The following SLC24A4 variants were observed in gnomAD, a reference collection of about 807,000 sequenced individuals.
The protein encoded by SLC24A4 is sodium/potassium/calcium exchanger 4.
Under a neutral mutation model 79.0 loss-of-function variants are expected in SLC24A4, and 53 were observed. That is an observed-to-expected ratio of 0.67 (90% CI 0.54 to 0.84). SLC24A4 has a LOEUF of 0.84. Among genes scored for constraint, SLC24A4 ranks in the 40% least tolerant of loss-of-function variants. SLC24A4 has a pLI of 0.00. For missense variants in SLC24A4, 731 were observed against 822.0 expected, an observed-to-expected ratio of 0.89 and a Z score of 1.35; for synonymous variants, 323 against 323.8, an observed-to-expected ratio of 1.00 and a Z score of 0.03.
chr14:92,450,641 C>CGGTCCCCACACACAGCCT, intron 10 of SLC24A4: 1 of 152,406 alleles, frequency 6.6e-6, no homozygotes, highest in East Asian at 1.9e-4. Context: ...GGCCCCGAGA[C>CGGTCCCCACACACAGCCT]GGTCCCCACA....
chr14:92,453,098 GGC>G (rs1384371250), intron 10 of SLC24A4: 2 of 152,200 alleles, frequency 1.3e-5, no homozygotes, highest in East Asian at 1.9e-4. Flanking sequence ...CAAGGATACC[GGC>G]CCAGTGCAGG....
At chr14:92,357,010 G>A (rs1043708289) in intron 2 of SLC24A4, among the ~76,000 whole-genome samples, 2 of 152,222 alleles carry the variant, frequency 1.3e-5, no homozygotes, top group Non-Finnish European at 1.5e-5. Context: ...GAGTGGAGTA[G>A]CTTCCTCTGT....
chr14:92,434,607 A>G (rs1892065014), intron 3 of SLC24A4, among the ~76,000 whole-genome samples: 1 of 152,204 alleles, frequency 6.6e-6, no homozygotes, highest in South Asian at 2.1e-4. Context: ...TCACGTGGGC[A>G]TGAGCATAAA....
chr14:92,469,692 A>G (rs1894328831), intron 12 of SLC24A4, among the ~76,000 whole-genome samples: 1 of 152,224 alleles, frequency 6.6e-6, no homozygotes, highest in Non-Finnish European at 1.5e-5. Context: ...GAATGGATAA[A>G]CGAAATGTGG....
chr14:92,343,243 C>T (rs541400809), intron 2 of SLC24A4, among the ~76,000 whole-genome samples: 1 of 152,338 alleles, frequency 6.6e-6, no homozygotes, highest in South Asian at 2.1e-4. Flanking sequence ...TGCTGCAGAT[C>T]CTCTGTTCAT....
intron 2 of SLC24A4, among the ~76,000 whole-genome samples, chr14:92,422,059 T>G (rs1183151033): frequency 6.6e-6 from 1 of 152,208 alleles, no homozygotes; most frequent in Non-Finnish European, 1.5e-5. Flanking sequence ...ATGATAAAAT[T>G]TTTTCCACAT....
At chr14:92,335,938 C>T (rs1004841821) in intron 2 of SLC24A4, among the ~76,000 whole-genome samples, 5 of 152,210 alleles carry the variant, frequency 3.3e-5, no homozygotes, top group Non-Finnish European at 7.3e-5. Context: ...GAGCAGCAAA[C>T]ACCTATGTGG....
chr14:92,448,039 A>G (rs550396958), intron 9 of SLC24A4, among the ~76,000 whole-genome samples: 1 of 152,278 alleles, frequency 6.6e-6, no homozygotes, highest in South Asian at 2.1e-4. Flanking sequence ...CCTGGAAAAC[A>G]TTATGCTAAG....
chr14:92,473,520 CTA>C (rs1894548021), intron 12 of SLC24A4, among the ~76,000 whole-genome samples: 1 of 152,198 alleles, frequency 6.6e-6, no homozygotes, highest in African/African-American at 2.4e-5. Context: ...CTTCGTAACT[CTA>C]TTGCTTAGGA....
At chr14:92,471,325 T>G (rs1405377078) in intron 12 of SLC24A4, among the ~76,000 whole-genome samples, 2 of 152,184 alleles carry the variant, frequency 1.3e-5, no homozygotes, top group Admixed American at 6.5e-5. Flanking sequence ...CTCCTTCTCC[T>G]TATCCAGAAG....
At chr14:92,455,618 A>G (rs1199941354) in intron 11 of SLC24A4, among the ~76,000 whole-genome samples, 1 of 152,208 alleles carries the variant, frequency 6.6e-6, no homozygotes, top group Non-Finnish European at 1.5e-5. Context: ...GAGTAGGGGT[A>G]TGTAGACTAG....
At position 92,492,238 on chromosome 14, in the gene SLC24A4, A is replaced by G. The variant is rs966414449; in HGVS notation, c.1714A>G (p.Thr572Ala). The G allele has an allele frequency of 1.2e-6, 2 of 1,613,976 alleles. No homozygotes were observed. The highest frequency in any genetic ancestry group is 1.7e-6 in the Non-Finnish European group (2 of 1,179,912). ...CCTGTTGCTGGGCTCTGTCGCTCTCACCGTGAGTCTTTACAATTCCAAAAC... is the reference window on the plus strand; with the variant it reads ...CCTGTTGCTGGGCTCTGTCGCTCTCGCCGTGAGTCTTTACAATTCCAAAAC... ...VVLLLGSVALTVLGIHLNKWR... is the reference protein window; with the variant it reads ...VVLLLGSVALAVLGIHLNKWR... The change falls in exon 16 of 17, where the codon ACC becomes GCC. Residue 572 changes from threonine (T) to alanine (A), a missense_variant and splice_region_variant. Transcript: ENST00000532405.
chr14:92,474,806 TATATAC>T lies in SLC24A4; in HGVS notation c.1256-7868_1256-7863del, dbSNP rs1355879893. 3.4e-4 allele frequency among the ~76,000 whole-genome samples: 27 copies of T among 79,696 alleles called. 2 individuals are homozygous for T. Among genetic ancestry groups the T allele is most frequent in the Non-Finnish European group, 6.7e-4 (26 of 38,964 alleles). 52.3% of individuals were successfully genotyped at this position (79,696 alleles called of 152,430 possible). ...ATATGTGTGTGTGTATATATATACA[TATATAC>T]ATATATATACATATATATGTGTGTG... On this transcript the variant is annotated intron_variant, in intron 12 of 16. Transcript: ENST00000532405.
At chr14:92,327,948 A>G (rs1274167725) in intron 2 of SLC24A4, among the ~76,000 whole-genome samples, 1 of 152,216 alleles carries the variant, frequency 6.6e-6, no homozygotes, top group African/African-American at 2.4e-5. Flanking sequence ...CTGCATAGAT[A>G]TGGGTCGAAT....
chr14:92,465,336 C>G (rs1399188908), intron 12 of SLC24A4, among the ~76,000 whole-genome samples: 1 of 152,210 alleles, frequency 6.6e-6, no homozygotes, highest in Non-Finnish European at 1.5e-5. Flanking sequence ...GACAGGACAA[C>G]TTTGTCAGAA....
chr14:92,442,924 G>A, intron 6 of SLC24A4, 108 bp downstream of exon 6: 1 of 896,242 alleles, frequency 1.1e-6, no homozygotes, highest in Non-Finnish European at 1.8e-6. Context: ...CAGGACAGCT[G>A]AGCTGGATTC....
At chr14:92,424,895 C>CAAAAACAAAAAT (rs1358213491) in intron 2 of SLC24A4, among the ~76,000 whole-genome samples, 1 of 151,744 alleles carries the variant, frequency 6.6e-6, no homozygotes, top group Non-Finnish European at 1.5e-5. Context: ...AAAACAAAAA[C>CAAAAACAAAAAT]AAAACCCAGC....
intron 2 of SLC24A4, among the ~76,000 whole-genome samples, chr14:92,400,437 C>CA (rs35343108): frequency 0.11 from 8,743 of 79,066 alleles, 505 homozygotes; most frequent in African/African-American, 0.14. Context: ...GACTCCATCT[C>CA]AAAAAAAAAA....
At chr14:92,479,817 C>T (rs1361891262) in intron 12 of SLC24A4, among the ~76,000 whole-genome samples, 1 of 152,162 alleles carries the variant, frequency 6.6e-6, no homozygotes, top group Non-Finnish European at 1.5e-5. Context: ...TAGAAGTCAC[C>T]ATGAAGCCAT....
Sources: allele counts gnomAD v4.1 joint callset (sites outside exome capture counted in the v4.1 genomes callset), GRCh38; gene constraint gnomAD v4.1.1; transcripts MANE v1.5; gene names NCBI Gene and HGNC (gene_info 2026-07-23, HGNC 2026-07-21).